The following PIP4K2C variants were observed in gnomAD, a reference collection of about 807,000 sequenced individuals.
The protein encoded by PIP4K2C is phosphatidylinositol-5-phosphate 4-kinase type 2 gamma.
Under a neutral mutation model 45.0 loss-of-function variants are expected in PIP4K2C, and 21 were observed. The ratio of observed to expected loss-of-function variants is 0.47; its 90% CI spans 0.33 to 0.67. The LOEUF (loss-of-function observed/expected upper bound fraction) is 0.67. Among genes scored for constraint, PIP4K2C ranks in the 30% least tolerant of loss-of-function variants. The pLI is 0.02. For synonymous variants in PIP4K2C, 201 were observed against 204.8 expected (o/e 0.98, Z 0.16); for missense variants, 456 against 542.8 (o/e 0.84, Z 1.59).
chr12:57,596,250 C>T (rs1359628135), intron 4 of PIP4K2C, among the ~76,000 whole-genome samples: 1 of 152,108 alleles, frequency 6.6e-6, no homozygotes, highest in Non-Finnish European at 1.5e-5. Context: ...CTTTGGGAGG[C>T]TGAGGCGGGA....
chr12:57,599,480 A>T (rs758234393), intron 6 of PIP4K2C, 42 bp downstream of exon 6: 103 of 1,609,594 alleles, frequency 6.4e-5, no homozygotes, highest in Non-Finnish European at 8.6e-5. Flanking sequence ...ATGAGGGATG[A>T]GGGAGGGCAG....
Position 57,600,965 on chromosome 12 carries a change from G to T in PIP4K2C, c.968G>T (p.Gly323Val). The change falls in exon 8 of 10, where the codon GGC becomes GTC. Residue 323 changes from glycine to valine, a missense_variant. By Grantham distance (109) the Gly-to-Val change is moderately radical. Transcript: ENST00000354947. ...CSLTGPPALV[G>V]SYGTSPEGIG... ...CTGACTGGACCTCCTGCTCTGGTGG[G>T]CTCCTATGGCACCTCCCCAGAGGGT... 6.2e-7 allele frequency: 1 copy of T among 1,614,200 alleles called. No individual in the cohort carries two copies. Among genetic ancestry groups the T allele is most frequent in the Non-Finnish European group, 8.5e-7 (1 of 1,180,044 alleles).
In PIP4K2C at chr12:57,601,807, A is replaced by AT. The variant is rs1442658331; in HGVS notation, c.*206dup. ...ACATTGTCCTTTTTCCTCTTTGCCC[A>AT]TTTTTCTTCCCTCTCTTCCTCCCCA... On this transcript the variant is annotated 3_prime_UTR_variant, in exon 10 of 10. Transcript: ENST00000354947. 2 of 585,322 alleles carry AT rather than the reference A, an allele frequency of 3.4e-6. No individual in the cohort carries two copies. Among genetic ancestry groups the AT allele is most frequent in the South Asian group, 2.1e-5 (1 of 47,672 alleles). The allele number at this position is 585,322 out of a possible 1,614,324, so 36.3% of individuals were successfully genotyped here.
intron 1 of PIP4K2C, 125 bp downstream of exon 1, chr12:57,591,588 T>C: frequency 8.8e-7 from 1 of 1,139,998 alleles, no homozygotes; most frequent in South Asian, 1.8e-5. Flanking sequence ...GTTGTCTTGG[T>C]CCCTGCCCAC....
intron 4 of PIP4K2C, among the ~76,000 whole-genome samples, chr12:57,596,817 TATTC>T (rs1283081554): frequency 6.6e-6 from 1 of 152,182 alleles, no homozygotes; most frequent in African/African-American, 2.4e-5. Context: ...CTGTACAGAA[TATTC>T]TGAAGCTAGT....
At chr12:57,601,436 G>A (rs1883433785) in intron 9 of PIP4K2C, 88 bp downstream of exon 9, 1 of 1,530,374 alleles carries the variant, frequency 6.5e-7, no homozygotes, top group Non-Finnish European at 9.1e-7. Context: ...GGTGGCAAAA[G>A]AATGGAGGTG....
rs1883457068 is a variant in PIP4K2C at position 57,601,870 on chromosome 12, ACT to A, written c.*270_*271del. The A allele has an allele frequency of 6.5e-6, 3 of 464,684 alleles. No individual in the cohort carries two copies. The highest frequency in any genetic ancestry group is 7.8e-5 in the East Asian group (2 of 25,598). 28.8% of individuals were successfully genotyped at this position (464,684 alleles called of 1,614,324 possible). On this transcript the variant is annotated 3_prime_UTR_variant, in exon 10 of 10. Coordinates refer to ENST00000354947, the MANE Select transcript of PIP4K2C (RefSeq NM_024779.5). ...TTGTAGTATTAGAATGTTATTGTTG[ACT>A]CTCTCCCAAGTGCCTTGATCTTTGT...
intron 1 of PIP4K2C, among the ~76,000 whole-genome samples, chr12:57,591,959 C>T (rs114524249): frequency 0.014 from 2,124 of 152,258 alleles, 21 homozygotes; most frequent in East Asian, 0.052. Context: ...GGGGAAGCTC[C>T]AGGTTTCCTG....
chr12:57,601,295 C>T lies in PIP4K2C; in HGVS notation c.1132C>T (p.Gln378Ter). 6.2e-7 allele frequency: 1 copy of T among 1,614,088 alleles called. No individual in the cohort carries two copies. The change falls in exon 9 of 10, where the codon CAG becomes TAG. Residue 378 changes from glutamine (Q) to a stop codon, truncating the protein, a stop_gained. Coordinates refer to ENST00000354947, the MANE Select transcript of PIP4K2C (RefSeq NM_024779.5). LOFTEE classifies it high-confidence loss of function. ...YFMGLIDILT[Q>*]YDAKKKAAHA... ...CATGGGCCTCATTGATATCCTTACA[C>T]AGTATGATGCTAAGAAGAAAGCAGC...
chr12:57,600,413 G>A lies in PIP4K2C; in HGVS notation c.789G>A (p.Leu263=), dbSNP rs367956988. 1.9e-5 allele frequency: 31 copies of A among 1,607,548 alleles called. No individual in the cohort carries two copies. The highest frequency in any genetic ancestry group is 2.6e-5 in the Non-Finnish European group (30 of 1,174,230). Residue 263 remains leucine (L), a synonymous_variant, in exon 7 of 10, where the codon CTG becomes CTA. Coordinates refer to ENST00000354947, the MANE Select transcript of PIP4K2C (RefSeq NM_024779.5). ...YIGEEEKKIF[L]EKLKRDVEFL... is the part of the protein sequence containing the mutation. The stretch of plus-strand genomic sequence containing the variant: ...GTGAAGAGGAGAAGAAAATATTTCT[G>A]GAGAAGCTGAAGAGAGATGTGGAGG...
chr12:57,595,877 T>G lies in PIP4K2C; in HGVS notation c.370-11T>G. 6.2e-7 allele frequency: 1 copy of G among 1,613,854 alleles called. No homozygotes were observed. Among genetic ancestry groups the G allele is most frequent in the Non-Finnish European group, 8.5e-7 (1 of 1,179,890 alleles). On this transcript the variant is annotated splice_polypyrimidine_tract_variant and intron_variant, in intron 3 of 9. Transcript: ENST00000354947. ...GGAGGAAAAGAGCTCTGGCCTATTC[T>G]GTGTCCCCAGGTGTCCCTTACCCGA...
In PIP4K2C at chr12:57,600,312, A is replaced by G; in HGVS notation, c.700-12A>G. 6.5e-7 allele frequency: 1 copy of G among 1,533,810 alleles called. No homozygotes were observed. Among genetic ancestry groups the G allele is most frequent in the East Asian group, 2.3e-5 (1 of 44,406 alleles). ...GGATATGTTCCCAAGATGTCCCTTTACATATTCTTAGGTTAAAGAATTGCC... is the reference window on the plus strand; with the variant it reads ...GGATATGTTCCCAAGATGTCCCTTTGCATATTCTTAGGTTAAAGAATTGCC... On this transcript the variant is annotated splice_polypyrimidine_tract_variant and intron_variant, in intron 6 of 9. Coordinates refer to ENST00000354947, the MANE Select transcript of PIP4K2C (RefSeq NM_024779.5).
chr12:57,598,948 A>G (rs927759974), intron 4 of PIP4K2C, 117 bp from the exon 5 acceptor site: 1 of 1,137,488 alleles, frequency 8.8e-7, no homozygotes, highest in Non-Finnish European at 1.2e-6. Flanking sequence ...TGACTTTGTA[A>G]TCTCTCTACT....
At chr12:57,600,130 G>C (rs1241935689) in intron 6 of PIP4K2C, among the ~76,000 whole-genome samples, 194 bp from the exon 7 acceptor site, 2 of 152,124 alleles carry the variant, frequency 1.3e-5, no homozygotes, top group Admixed American at 6.5e-5. Flanking sequence ...GAGAGTAGTG[G>C]GATGTGATTT....
Position 57,595,458 on chromosome 12 carries a change from A to G in PIP4K2C, c.369+236A>G, listed in dbSNP as rs555124789. ...TGTGGCTCACGCCTGTAATCCCAAC[A>G]CTTTGGGAGGCCGAGGCGGGCAGAT... On this transcript the variant is annotated intron_variant, in intron 3 of 9. Coordinates refer to ENST00000354947, the MANE Select transcript of PIP4K2C (RefSeq NM_024779.5). Among the ~76,000 whole-genome samples the G allele has an allele frequency of 3.9e-5, 6 of 152,316 alleles. No homozygotes were observed. The South Asian group carries it at 6.2e-4, about 16-fold the overall frequency.
chr12:57,597,213 G>A lies in PIP4K2C; in HGVS notation c.513+1182G>A, dbSNP rs75421695. On this transcript the variant is annotated intron_variant, in intron 4 of 9. Coordinates refer to ENST00000354947, the MANE Select transcript of PIP4K2C (RefSeq NM_024779.5). ...GTGACAGCGTTTTAGAGAATGGATT[G>A]GTGGGAGGGAACACTGGAAGGGTGG... 3.7e-3 allele frequency among the ~76,000 whole-genome samples: 571 copies of A among 152,310 alleles called. 4 individuals carry two copies. The highest frequency in any genetic ancestry group is 0.013 in the African/African-American group (549 of 41,556).
At chr12:57,593,946 A>G (rs1883081127) in intron 1 of PIP4K2C, 79 bp from the exon 2 acceptor site, 1 of 1,024,228 alleles carries the variant, frequency 9.8e-7, no homozygotes, top group African/African-American at 1.6e-5. Context: ...CCCTTGCATG[A>G]CTGCTGCCCA....
In PIP4K2C at chr12:57,600,901, G is replaced by C. The variant is rs145883345; in HGVS notation, c.904G>C (p.Val302Leu). 2 of 1,614,222 alleles carry C rather than the reference G, an allele frequency of 1.2e-6. No homozygotes were observed. Among genetic ancestry groups the C allele is most frequent in the Admixed American group, 1.7e-5 (1 of 60,028 alleles). The part of the protein sequence containing the change: ...RGSEPEEEAP[V>L]REDESEVDGD... ...CTCTGAACCAGAGGAGGAAGCGCCC[G>C]TGCGGGAGGATGAGTCAGAGGTGGA... is the stretch of plus-strand genomic sequence containing the variant. The change falls in exon 8 of 10, where the codon GTG (valine) becomes CTG (leucine). Residue 302 changes from valine to leucine, a missense_variant. Physicochemically the swap from Val to Leu is conservative, Grantham distance 32. Transcript: ENST00000354947.
rs1883331696 is a variant in PIP4K2C at position 57,599,406 on chromosome 12, C to G, written c.667C>G (p.Leu223Val). The G allele has an allele frequency of 1.2e-6, 2 of 1,614,078 alleles. No individual in the cohort carries two copies. The highest frequency in any genetic ancestry group is 1.7e-6 in the Non-Finnish European group (2 of 1,180,024). The part of the protein sequence containing the change: ...VHRKYDLKGS[L>V]VSREASDKEK... Reference sequence around the variant, plus strand: ...TGTTTGGGTCTTTCTGCAGGGTTCCCTAGTGTCCCGGGAAGCCAGCGATAA... The same window carrying G: ...TGTTTGGGTCTTTCTGCAGGGTTCCGTAGTGTCCCGGGAAGCCAGCGATAA... The change falls in exon 6 of 10, where the codon CTA becomes GTA. Residue 223 changes from leucine (L) to valine (V), a missense_variant. Around this residue, in one of 2 missense-constraint regions of PIP4K2C, gnomAD observed 421 missense variants for 473.1 expected, o/e 0.89. Coordinates refer to ENST00000354947, the MANE Select transcript of PIP4K2C (RefSeq NM_024779.5).
Sources: gnomAD v4.1 joint callset for allele counts (sites outside exome capture counted in the v4.1 genomes callset) on GRCh38, gnomAD v4.1.1 for gene constraint, gnomAD v4.1.1 regional missense constraint, MANE v1.5 for transcripts, NCBI Gene and HGNC (gene_info 2026-07-23, HGNC 2026-07-21) for gene names.